The following ADGRV1 variants were observed in gnomAD, a reference collection of about 807,000 sequenced individuals.
The protein encoded by ADGRV1 is adhesion G protein-coupled receptor V1, also known as G-protein coupled receptor 98.
ADGRV1 carries 359 observed loss-of-function variants against 596.2 expected under a neutral mutation model. The ratio of observed to expected loss-of-function variants is 0.60; its 90% CI spans 0.55 to 0.66. ADGRV1 has a LOEUF of 0.66. ADGRV1 is among the 30% of genes least tolerant of loss of function. ADGRV1 has a pLI of 0.00. For synonymous variants in ADGRV1, 2,681 were observed against 2,679.2 expected (o/e 1.00, Z -0.02); for missense variants, 7,274 against 7,575.6 (o/e 0.96, Z 1.48).
intron 61 of ADGRV1, among the ~76,000 whole-genome samples, chr5:90,777,371 T>G (rs1246338491): frequency 2.6e-5 from 4 of 152,112 alleles, no homozygotes; most frequent in Non-Finnish European, 4.4e-5. Context: ...CCAAACCATA[T>G]CAGGGCCTAT....
At chr5:90,851,984 G>A (rs941929756) in intron 79 of ADGRV1, among the ~76,000 whole-genome samples, 4 of 152,194 alleles carry the variant, frequency 2.6e-5, no homozygotes, top group African/African-American at 9.7e-5. Flanking sequence ...CAGGGTGTCT[G>A]CAGTGACACC....
intron 82 of ADGRV1, among the ~76,000 whole-genome samples, chr5:90,859,248 G>A (rs1767318059): frequency 6.6e-6 from 1 of 152,016 alleles, no homozygotes; most frequent in Admixed American, 6.6e-5. Flanking sequence ...AAGTGCTTGA[G>A]TTACAGCTGT....
chr5:90,653,626 C>A lies in ADGRV1; in HGVS notation c.4052C>A (p.Thr1351Lys), dbSNP rs1186846723. The change falls in exon 20 of 90, where the codon ACA becomes AAA. Residue 1351 changes from threonine (T) to lysine (K), a missense_variant. Thr to Lys is a moderately conservative substitution (Grantham distance 78, BLOSUM62 -1). This residue lies in a region of ADGRV1 where 1,715 missense variants were observed against 1,708.8 expected (regional missense o/e 1.00). Transcript: ENST00000405460. ...NPKYHPSRNNTIANFTFSAWV... is the reference protein window; with the variant it reads ...NPKYHPSRNNKIANFTFSAWV... The stretch of plus-strand genomic sequence containing the variant: ...AAATACCATCCCTCCAGGAATAATA[C>A]AATTGCCAACTTTACATTCTCAGCT... 1 of 1,613,484 alleles carries A rather than the reference C, an allele frequency of 6.2e-7. No individual in the cohort carries two copies. Among genetic ancestry groups the A allele is most frequent in the East Asian group, 2.2e-5 (1 of 44,872 alleles).
chr5:91,036,883 TA>T (rs746297036), intron 85 of ADGRV1, among the ~76,000 whole-genome samples: 5 of 152,078 alleles, frequency 3.3e-5, no homozygotes, highest in Admixed American at 6.5e-5. Context: ...AAAATAAAAA[TA>T]AAATATTTTT....
Position 90,774,292 on chromosome 5 carries a change from C to T in ADGRV1, c.12392C>T (p.Ser4131Phe), listed in dbSNP as rs1411487511. Residue 4131 changes from serine (S) to phenylalanine (F), a missense_variant, in exon 60 of 90, where the codon TCT becomes TTT. This residue lies in a region of ADGRV1 where 3,643 missense variants were observed against 3,809.2 expected (regional missense o/e 0.96). Coordinates refer to ENST00000405460, the MANE Select transcript of ADGRV1 (RefSeq NM_032119.4). ...QLISIDEVEISPVKGSASIII... is the reference protein window; with the variant it reads ...QLISIDEVEIFPVKGSASIII... ...ATATCAATTGATGAGGTAGAAATAT[C>T]TCCAGTAAAAGGTAAGAGAAATTCA... is the stretch of plus-strand genomic sequence containing the variant. 1.9e-6 allele frequency: 3 copies of T among 1,541,744 alleles called. No homozygotes were observed. The highest frequency in any genetic ancestry group is 1.8e-6 in the Non-Finnish European group (2 of 1,114,576).
At chr5:90,794,264 G>T (rs1015777288) in intron 70 of ADGRV1, among the ~76,000 whole-genome samples, 2 of 152,154 alleles carry the variant, frequency 1.3e-5, no homozygotes, top group Admixed American at 6.5e-5. Context: ...GAACAAAAGA[G>T]TCTTGATGTA....
intron 85 of ADGRV1, among the ~76,000 whole-genome samples, chr5:91,046,734 A>G (rs1021780823): frequency 2.0e-5 from 3 of 152,238 alleles, no homozygotes; most frequent in African/African-American, 4.8e-5. Context: ...CAGACATCCC[A>G]CAGAGTGGGA....
At chr5:90,872,647 T>C (rs978358353) in intron 83 of ADGRV1, among the ~76,000 whole-genome samples, 3 of 152,158 alleles carry the variant, frequency 2.0e-5, no homozygotes, top group Non-Finnish European at 2.9e-5. Context: ...ATAGTCAGTA[T>C]ATGTATTATT....
chr5:90,581,157 C>A (rs1036003073), intron 1 of ADGRV1, among the ~76,000 whole-genome samples: 1 of 152,148 alleles, frequency 6.6e-6, no homozygotes, highest in Non-Finnish European at 1.5e-5. Context: ...ATTCGTCTAA[C>A]CTTTTTTCAA....
At chr5:90,646,183 C>A in intron 16 of ADGRV1, 92 bp downstream of exon 16, 1 of 778,476 alleles carries the variant, frequency 1.3e-6, no homozygotes, top group Non-Finnish European at 1.8e-6. Context: ...CATTTATATG[C>A]ACGTGCGTAT....
intron 54 of ADGRV1, among the ~76,000 whole-genome samples, chr5:90,754,616 A>G (rs1755629589): frequency 6.6e-6 from 1 of 152,166 alleles, no homozygotes; most frequent in South Asian, 2.1e-4. Flanking sequence ...CATTTTTTGA[A>G]GAATCTTTTG....
chr5:90,985,449 C>A lies in ADGRV1; in HGVS notation c.18079C>A (p.Leu6027Ile). The change falls in exon 85 of 90, where the codon CTC (leucine) becomes ATC (isoleucine). Residue 6027 changes from leucine (L) to isoleucine (I), a missense_variant. Leu to Ile is a conservative substitution (Grantham distance 5, BLOSUM62 2). This residue lies in a region of ADGRV1 where 1,874 missense variants were observed against 1,970.2 expected (regional missense o/e 0.95). Coordinates refer to ENST00000405460, the MANE Select transcript of ADGRV1 (RefSeq NM_032119.4). Reference sequence around the variant, plus strand: ...GGGACTACCAGCTTTTGTGGTGATTCTCCTCATAGTTATTTTGAAAGGAAT... The same window carrying A: ...GGGACTACCAGCTTTTGTGGTGATTATCCTCATAGTTATTTTGAAAGGAAT... The part of the protein sequence containing the change: ...SWGLPAFVVI[L>I]LIVILKGIYH... 1 of 1,613,686 alleles carries A rather than the reference C, an allele frequency of 6.2e-7. No homozygotes were observed. Among genetic ancestry groups the A allele is most frequent in the Non-Finnish European group, 8.5e-7 (1 of 1,179,682 alleles).
intron 50 of ADGRV1, among the ~76,000 whole-genome samples, chr5:90,737,130 C>T (rs902591056): frequency 6.6e-6 from 1 of 151,670 alleles, no homozygotes; most frequent in Non-Finnish European, 1.5e-5. Context: ...TGCTGCATAC[C>T]ATACATTTTA....
intron 18 of ADGRV1, 56 bp downstream of exon 18, chr5:90,651,786 A>T: frequency 8.8e-7 from 1 of 1,137,796 alleles, no homozygotes; most frequent in Admixed American, 2.1e-5. Flanking sequence ...ACCATTAAGT[A>T]TGTGAAATTC....
chr5:90,763,849 A>T (rs1336120069), intron 59 of ADGRV1, among the ~76,000 whole-genome samples: 1 of 152,198 alleles, frequency 6.6e-6, no homozygotes, highest in Non-Finnish European at 1.5e-5. Context: ...GCTTCAAAGG[A>T]CATGATTTAA....
Position 90,974,820 on chromosome 5 carries a change from C to A in ADGRV1, c.17973+9289C>A, listed in dbSNP as rs191960404. 2.8e-3 allele frequency among the ~76,000 whole-genome samples: 432 copies of A among 152,294 alleles called. 1 individual carries two copies. The highest frequency in any genetic ancestry group is 0.01 in the African/African-American group (418 of 41,552). On this transcript the variant is annotated intron_variant, in intron 84 of 89. Transcript: ENST00000405460. Reference sequence around the variant, plus strand: ...GACTTCATGTCTAAAACACCAAAAGCAATGGCAACCAAAGCCGAAATTGAC... The same window carrying A: ...GACTTCATGTCTAAAACACCAAAAGAAATGGCAACCAAAGCCGAAATTGAC...
At chr5:90,889,892 TC>T (rs1255267354) in intron 83 of ADGRV1, among the ~76,000 whole-genome samples, 14 of 152,156 alleles carry the variant, frequency 9.2e-5, no homozygotes, top group Admixed American at 9.2e-4. Context: ...AGACTGAGTT[TC>T]TTTCTTGCAC....
At chr5:90,947,636 GA>G (rs1561984174) in intron 83 of ADGRV1, among the ~76,000 whole-genome samples, 1 of 152,010 alleles carries the variant, frequency 6.6e-6, no homozygotes, top group African/African-American at 2.4e-5. Context: ...AGAAGGCCCA[GA>G]ACACCAATAT....
rs1213834899 is a variant in ADGRV1, at chr5:91,164,003, G to C, written c.*103G>C. On this transcript the variant is annotated 3_prime_UTR_variant, in exon 90 of 90. Transcript: ENST00000405460. ...CCTGTGTAATAGGAACCTGTGAATT[G>C]TACTGGATGATTAATACAAACGTGA... 1.4e-6 allele frequency: 1 copy of C among 710,324 alleles called. No individual in the cohort carries two copies. The highest frequency in any genetic ancestry group is 1.5e-5 in the South Asian group (1 of 67,124). The allele number at this position is 710,324 out of a possible 1,614,324, so 44.0% of individuals were successfully genotyped here.
Sources: allele counts gnomAD v4.1 joint callset (sites outside exome capture counted in the v4.1 genomes callset), GRCh38; gene constraint gnomAD v4.1.1; regional missense constraint gnomAD v4.1.1; transcripts MANE v1.5; gene names NCBI Gene and HGNC (gene_info 2026-07-23, HGNC 2026-07-21).